Variants in RBFOX1 observed in about 807,000 individuals in gnomAD.
RBFOX1 encodes RNA binding fox-1 homolog 1, also known as RNA binding protein fox-1 homolog 1.
A neutral mutation model predicts 57.7 loss-of-function variants in RBFOX1; 8 were observed. The observed-to-expected ratio is 0.14, with a 90% CI of 0.08 to 0.25. RBFOX1 has a LOEUF of 0.25. Among genes scored for constraint, RBFOX1 ranks in the 10% least tolerant of loss-of-function variants. The probability of loss-of-function intolerance (pLI) is 1.00; values close to 1 mark genes in which losing one functional copy is unlikely to be tolerated. For missense variants in RBFOX1, 611 were observed against 548.5 expected (o/e 1.11, Z -1.14); for synonymous variants, 326 against 222.4 (o/e 1.47, Z -4.15).
intron 1 of RBFOX1, among the ~76,000 whole-genome samples, chr16:6,110,758 T>A (rs1328989031): frequency 6.6e-6 from 1 of 152,154 alleles, no homozygotes; most frequent in South Asian, 2.1e-4. Context: ...CAGAGGACAC[T>A]AGGCCATGCC....
At chr16:7,176,084 T>C (rs1480587234) in intron 4 of RBFOX1, among the ~76,000 whole-genome samples, 1 of 151,862 alleles carries the variant, frequency 6.6e-6, no homozygotes, top group African/African-American at 2.4e-5. Context: ...CACAGACCGC[T>C]GGTGTGGTTA....
At chr16:7,044,586 C>T (rs1188133361) in intron 3 of RBFOX1, among the ~76,000 whole-genome samples, 1 of 152,226 alleles carries the variant, frequency 6.6e-6, no homozygotes, top group East Asian at 1.9e-4. Context: ...GCAGCCCTTT[C>T]AAGAGTGGTA....
At chr16:6,625,385 G>C (rs935455573) in intron 2 of RBFOX1, among the ~76,000 whole-genome samples, 2 of 152,140 alleles carry the variant, frequency 1.3e-5, no homozygotes, top group Non-Finnish European at 2.9e-5. Context: ...GAGTGAATCA[G>C]TGAATGACTG....
At chr16:6,255,158 A>T (rs1248788437) in intron 1 of RBFOX1, among the ~76,000 whole-genome samples, 1 of 152,140 alleles carries the variant, frequency 6.6e-6, no homozygotes, top group Non-Finnish European at 1.5e-5. Flanking sequence ...GGGTGGTGAG[A>T]ACCTGGAAAC....
At chr16:6,512,617 A>G (rs1346870028) in intron 2 of RBFOX1, among the ~76,000 whole-genome samples, 1 of 152,152 alleles carries the variant, frequency 6.6e-6, no homozygotes, top group East Asian at 1.9e-4. Flanking sequence ...AGGAAATGTT[A>G]CACATTTCCA....
chr16:6,541,521 A>C (rs1014188237), intron 2 of RBFOX1, among the ~76,000 whole-genome samples: 12 of 152,218 alleles, frequency 7.9e-5, no homozygotes, highest in African/African-American at 2.9e-4. Context: ...GTGACGTAGT[A>C]GTACCTGAGA....
intron 2 of RBFOX1, among the ~76,000 whole-genome samples, chr16:5,522,958 T>G (rs779655787): frequency 2.0e-5 from 3 of 149,454 alleles, no homozygotes; most frequent in Non-Finnish European, 3.0e-5. Flanking sequence ...GACACTGAGG[T>G]TGATTCTATA....
In RBFOX1 at chr16:6,522,087, A is replaced by T. The variant is rs866888047; in HGVS notation, c.-63-132516A>T. ...CGTCCTTGCATCTAGAAAAACTGGC[A>T]TGTGTTTTCTTTGAATCAATTTCCA... is the stretch of plus-strand genomic sequence containing the variant. On this transcript the variant is annotated intron_variant, in intron 2 of 15. Coordinates refer to ENST00000550418, the MANE Select transcript of RBFOX1 (RefSeq NM_018723.4). Among the ~76,000 whole-genome samples the T allele has an allele frequency of 2.0e-5, 3 of 151,570 alleles. No individual in the cohort carries two copies. The South Asian group carries it at 6.3e-4, about 32-fold the overall frequency.
At chr16:6,241,617 C>G (rs528328431) in intron 1 of RBFOX1, among the ~76,000 whole-genome samples, 1 of 152,144 alleles carries the variant, frequency 6.6e-6, no homozygotes, top group Non-Finnish European at 1.5e-5. Context: ...CTCCCAAAGA[C>G]GTGGTGTTAA....
rs180860204 is a variant in RBFOX1 at position 6,344,064 on chromosome 16, G to A, written c.-64+27007G>A. Among the ~76,000 whole-genome samples the A allele has an allele frequency of 1.2e-3, 180 of 152,246 alleles. 1 individual carries two copies. The highest frequency in any genetic ancestry group is 0.011 in the Admixed American group (169 of 15,282). ...TCTTCATCTCTATTTCTCGTACCCA[G>A]TGCCACCTGATATGCATCATGGAAA... On this transcript the variant is annotated intron_variant, in intron 2 of 15. Transcript: ENST00000550418.
At chr16:6,534,065 A>G (rs895158334) in intron 2 of RBFOX1, among the ~76,000 whole-genome samples, 4 of 152,212 alleles carry the variant, frequency 2.6e-5, no homozygotes, top group African/African-American at 9.6e-5. Flanking sequence ...AAGAGAAATG[A>G]AAACATATCT....
At chr16:7,455,477 G>A (rs1056213017) in intron 4 of RBFOX1, among the ~76,000 whole-genome samples, 1 of 152,096 alleles carries the variant, frequency 6.6e-6, no homozygotes, top group Non-Finnish European at 1.5e-5. Context: ...TGGACATTTT[G>A]TGGGGATAAT....
chr16:5,537,161 C>T (rs1347003952), intron 2 of RBFOX1, among the ~76,000 whole-genome samples: 1 of 152,140 alleles, frequency 6.6e-6, no homozygotes, highest in African/African-American at 2.4e-5. Flanking sequence ...TATAATCTTA[C>T]TTCCTTCTGA....
At chr16:5,547,123 G>A (rs979428746) in intron 2 of RBFOX1, among the ~76,000 whole-genome samples, 1 of 152,192 alleles carries the variant, frequency 6.6e-6, no homozygotes, top group African/African-American at 2.4e-5. Context: ...AGGATGAAGA[G>A]AAGCTGGAAC....
In RBFOX1 at chr16:5,243,946, G is replaced by C. The variant is rs141133372; in HGVS notation, c.219+3841G>C. Among the ~76,000 whole-genome samples, 294 of 151,968 alleles carry C rather than the reference G, an allele frequency of 1.9e-3. 2 individuals are homozygous for C. Among genetic ancestry groups the C allele is most frequent in the African/African-American group, 6.7e-3 (278 of 41,422 alleles). On this transcript the variant is annotated intron_variant, in intron 1 of 2. Transcript: ENST00000585867. ...GAGTCTTACTCTGTTGCCCAGGCTG[G>C]AGTGCAGTGGCATGATCTCCGCTCA... is the stretch of plus-strand genomic sequence containing the variant.
chr16:5,584,570 C>T (rs564478777), intron 2 of RBFOX1, among the ~76,000 whole-genome samples: 8 of 152,320 alleles, frequency 5.3e-5, no homozygotes, highest in Non-Finnish European at 1.0e-4. Context: ...CCTTCAGCTT[C>T]TGTTTTCTGG....
At chr16:6,418,120 G>C (rs1388608223) in intron 2 of RBFOX1, among the ~76,000 whole-genome samples, 1 of 152,172 alleles carries the variant, frequency 6.6e-6, no homozygotes, top group Non-Finnish European at 1.5e-5. Context: ...CATTTGCTAA[G>C]GACTTACTGG....
rs188644349 is a variant in RBFOX1, at chr16:6,860,901, A to T, written c.-15-191156A>T. On this transcript the variant is annotated intron_variant, in intron 3 of 15. Coordinates refer to ENST00000550418, the MANE Select transcript of RBFOX1 (RefSeq NM_018723.4). ...AATAGATATTCCAAAATATACATTT[A>T]TATGTATTTATATATGAATGTGCCC... Among the ~76,000 whole-genome samples the T allele has an allele frequency of 1.6e-3, 248 of 152,312 alleles. No homozygotes were observed. The Middle Eastern group carries it at 0.037, about 23-fold the overall frequency.
At chr16:6,321,236 C>T (rs1257570297) in intron 2 of RBFOX1, among the ~76,000 whole-genome samples, 2 of 152,040 alleles carry the variant, frequency 1.3e-5, no homozygotes, top group South Asian at 2.1e-4. Context: ...TCTTTGTGTC[C>T]GGAGAGTTCA....
Sources: allele counts gnomAD v4.1 joint callset (sites outside exome capture counted in the v4.1 genomes callset), GRCh38; gene constraint gnomAD v4.1.1; transcripts MANE v1.5; gene names NCBI Gene and HGNC (gene_info 2026-07-23, HGNC 2026-07-21).